Variants in MARCHF1 observed in about 807,000 individuals in gnomAD.
MARCHF1 encodes E3 ubiquitin-protein ligase MARCHF1.
A neutral mutation model predicts 54.2 loss-of-function variants in MARCHF1; 40 were observed. The ratio of observed to expected loss-of-function variants is 0.74; its 90% CI spans 0.57 to 0.96. The LOEUF is 0.96. Ranked by LOEUF, MARCHF1 falls within the 40% of genes least tolerant of loss-of-function variation. MARCHF1 has a pLI of 0.00. For missense variants in MARCHF1, 586 were observed against 656.5 expected, an observed-to-expected ratio of 0.89 and a Z score of 1.17; for synonymous variants, 236 against 236.3, an observed-to-expected ratio of 1.00 and a Z score of 0.01.
chr4:164,368,833 T>A (rs1730952000), intron 1 of MARCHF1, among the ~76,000 whole-genome samples: 1 of 152,226 alleles, frequency 6.6e-6, no homozygotes, highest in South Asian at 2.1e-4. Context: ...AGTTGTTTAC[T>A]TTAAACCAAG....
intron 5 of MARCHF1, among the ~76,000 whole-genome samples, chr4:163,663,237 T>TA (rs1455789177): frequency 6.7e-6 from 1 of 149,814 alleles, no homozygotes; most frequent in African/African-American, 2.5e-5. Flanking sequence ...TTTTTTTTTT[T>TA]AGATTTAGGG....
chr4:163,623,070 G>A (rs961061178), intron 5 of MARCHF1, among the ~76,000 whole-genome samples: 6 of 152,082 alleles, frequency 3.9e-5, no homozygotes, highest in Admixed American at 6.6e-5. Context: ...CAGGAAATCT[G>A]GTTTGAAGTA....
chr4:164,294,453 GT>G (rs1363070475), intron 1 of MARCHF1, among the ~76,000 whole-genome samples: 3 of 152,140 alleles, frequency 2.0e-5, no homozygotes, highest in Non-Finnish European at 4.4e-5. Context: ...ACGGACTGGA[GT>G]TTATGCTACA....
intron 1 of MARCHF1, among the ~76,000 whole-genome samples, chr4:164,117,866 T>G (rs1755970683): frequency 6.6e-6 from 1 of 151,980 alleles, no homozygotes; most frequent in African/African-American, 2.4e-5. Context: ...ACCACTGCAC[T>G]CCAGCCTGGG....
intron 1 of MARCHF1, among the ~76,000 whole-genome samples, chr4:164,182,281 A>C (rs979298865): frequency 2.7e-5 from 4 of 149,714 alleles, no homozygotes; most frequent in Middle Eastern, 6.8e-3. Context: ...AAGATTTAAA[A>C]ATATAATCAC....
chr4:163,976,358 T>C (rs1752649599), intron 3 of MARCHF1, among the ~76,000 whole-genome samples: 1 of 152,184 alleles, frequency 6.6e-6, no homozygotes, highest in East Asian at 1.9e-4. Flanking sequence ...TTGTGTTTGA[T>C]GACAAAATGA....
intron 2 of MARCHF1, among the ~76,000 whole-genome samples, chr4:164,001,677 C>T (rs1753189037): frequency 6.6e-6 from 1 of 151,726 alleles, no homozygotes; most frequent in Non-Finnish European, 1.5e-5. Context: ...GAGAAGGAGT[C>T]AAAAAGCGTG....
Position 163,544,022 on chromosome 4 carries a change from A to G in MARCHF1, c.1339+1574T>C, listed in dbSNP as rs1006471914. Among the ~76,000 whole-genome samples, 7 of 152,274 alleles carry G rather than the reference A, an allele frequency of 4.6e-5. 1 individual carries two copies. The highest frequency in any genetic ancestry group is 4.6e-4 in the Admixed American group (7 of 15,296). On this transcript the variant is annotated intron_variant, in intron 9 of 9. Transcript: ENST00000514618. ...TCTAAGGGTATCATGTCTGCCCTTG[A>G]TTGCTAGGAAAACACTAGAGTTCTA...
chr4:164,044,604 GTTTGAC>G (rs1754201181), intron 2 of MARCHF1, among the ~76,000 whole-genome samples: 1 of 152,090 alleles, frequency 6.6e-6, no homozygotes, highest in Non-Finnish European at 1.5e-5. Flanking sequence ...GAAAGGAGAA[GTTTGAC>G]TTTGAGGGAG....
intron 1 of MARCHF1, among the ~76,000 whole-genome samples, chr4:164,337,586 T>C (rs1406478654): frequency 6.6e-6 from 1 of 152,234 alleles, no homozygotes; most frequent in Non-Finnish European, 1.5e-5. Context: ...GTAACCAATC[T>C]GTGGACAACC....
At chr4:163,999,186 T>C (rs1753138672) in intron 2 of MARCHF1, among the ~76,000 whole-genome samples, 1 of 151,606 alleles carries the variant, frequency 6.6e-6, no homozygotes, top group African/African-American at 2.4e-5. Context: ...ACCCAATGTA[T>C]ATATATTTCA....
At chr4:164,045,905 C>T (rs1338063680) in intron 2 of MARCHF1, among the ~76,000 whole-genome samples, 1 of 152,116 alleles carries the variant, frequency 6.6e-6, no homozygotes, top group African/African-American at 2.4e-5. Context: ...TGTGGAAGAT[C>T]TGAGATTTTA....
In MARCHF1 at chr4:164,317,997, G is replaced by A. The variant is rs533008902; in HGVS notation, c.-323+65873C>T. ...AGGATTTGGTAACCAGTGCAGACTTGAGATCCTGATTGCTTGGATCTCAAT... is the reference window on the plus strand; with the variant it reads ...AGGATTTGGTAACCAGTGCAGACTTAAGATCCTGATTGCTTGGATCTCAAT... On this transcript the variant is annotated intron_variant, in intron 1 of 9. Transcript: ENST00000514618. Among the ~76,000 whole-genome samples the A allele has an allele frequency of 7.2e-5, 11 of 152,270 alleles. No homozygotes were observed. In the South Asian group the frequency reaches 2.1e-3, roughly 29 times the overall value.
At chr4:163,720,830 G>T (rs562063263) in intron 4 of MARCHF1, among the ~76,000 whole-genome samples, 1 of 152,234 alleles carries the variant, frequency 6.6e-6, no homozygotes, top group East Asian at 1.9e-4. Context: ...GTCTCTCTTT[G>T]TCTGTTATTG....
intron 1 of MARCHF1, among the ~76,000 whole-genome samples, chr4:164,211,333 A>ATG (rs1291195873): frequency 0.14 from 2,532 of 18,712 alleles, 67 homozygotes; most frequent in African/African-American, 0.23. Flanking sequence ...GTATGTATGT[A>ATG]TATATATATA....
intron 1 of MARCHF1, among the ~76,000 whole-genome samples, chr4:164,213,494 C>CA (rs2111125876): frequency 6.6e-6 from 1 of 151,976 alleles, no homozygotes; most frequent in South Asian, 2.1e-4. Context: ...CTCGGCCTCC[C>CA]AAAGTGCTGG....
intron 1 of MARCHF1, among the ~76,000 whole-genome samples, chr4:164,163,057 TA>T (rs1560934355): frequency 6.6e-6 from 1 of 151,970 alleles, no homozygotes; most frequent in Non-Finnish European, 1.5e-5. Flanking sequence ...GAAGACAAAT[TA>T]AGAACATTTC....
chr4:164,287,779 T>C (rs1734187768), intron 1 of MARCHF1, among the ~76,000 whole-genome samples: 2 of 152,064 alleles, frequency 1.3e-5, no homozygotes, highest in South Asian at 2.1e-4. Flanking sequence ...GAATATTCTT[T>C]AGAATCGAAT....
At chr4:164,335,818 T>C (rs185435947) in intron 1 of MARCHF1, among the ~76,000 whole-genome samples, 1 of 152,316 alleles carries the variant, frequency 6.6e-6, no homozygotes, top group East Asian at 1.9e-4. Context: ...ATAACTTTTG[T>C]ATGCCCTGGG....
Sources: gnomAD v4.1 joint callset for allele counts (sites outside exome capture counted in the v4.1 genomes callset) on GRCh38, gnomAD v4.1.1 for gene constraint, MANE v1.5 for transcripts, NCBI Gene and HGNC (gene_info 2026-07-23, HGNC 2026-07-21) for gene names.